GLYATL2: variants seen among roughly 807,000 people sequenced by gnomAD.
GLYATL2 encodes the protein glycine N-acyltransferase-like protein 2.
GLYATL2 carries 25 observed loss-of-function variants against 21.4 expected under a neutral mutation model. That is an observed-to-expected ratio of 1.17 (90% CI 0.85 to 1.63). GLYATL2 has a LOEUF of 1.63. Among genes scored for constraint, GLYATL2 ranks in the 40% most tolerant of loss-of-function variants. The pLI, the probability that GLYATL2 is intolerant of heterozygous loss-of-function variation, is 0.00. For synonymous variants in GLYATL2, 114 were observed against 118.2 expected, an observed-to-expected ratio of 0.96 and a Z score of 0.23; for missense variants, 361 against 343.3, an observed-to-expected ratio of 1.05 and a Z score of -0.41.
chr11:58,858,014 G>T lies in GLYATL2; in HGVS notation n.61-19646C>A, dbSNP rs796844974. 1.1e-4 allele frequency among the ~76,000 whole-genome samples: 16 copies of T among 151,922 alleles called. 1 individual carries two copies. The highest frequency in any genetic ancestry group is 3.4e-4 in the African/African-American group (14 of 41,398). On this transcript the variant is annotated intron_variant and non_coding_transcript_variant, in intron 1 of 4. Coordinates refer to the GLYATL2 transcript ENST00000533636. Reference sequence around the variant, plus strand: ...TTGGGCTTTAAAACATACAAGGAAAGAAAACATTTAAAACACACTTGTTTT... The same window carrying T: ...TTGGGCTTTAAAACATACAAGGAAATAAAACATTTAAAACACACTTGTTTT...
chr11:58,843,142 A>C (rs12224475), intron 1 of GLYATL2, among the ~76,000 whole-genome samples: 39,498 of 152,024 alleles, frequency 0.26, 5,596 homozygotes, highest in East Asian at 0.5. Context: ...AGTGAGGACT[A>C]ATTTTATATG....
At chr11:58,877,117 G>GT (rs1376958628) in intron 1 of GLYATL2, among the ~76,000 whole-genome samples, 1 of 152,226 alleles carries the variant, frequency 6.6e-6, no homozygotes, top group Non-Finnish European at 1.5e-5. Context: ...CTGGTGTGCC[G>GT]TTTGATAAGC....
chr11:58,877,065 G>A (rs952700539), intron 1 of GLYATL2, among the ~76,000 whole-genome samples: 23 of 152,318 alleles, frequency 1.5e-4, no homozygotes, highest in African/African-American at 4.8e-4. Flanking sequence ...AGTGAGGCTC[G>A]GTAGGCATAG....
rs374423589 is a variant in GLYATL2 at position 58,868,977 on chromosome 11, G to T, written n.61-30609C>A. Among the ~76,000 whole-genome samples, 3 of 136,108 alleles carry T rather than the reference G, an allele frequency of 2.2e-5. 1 individual carries two copies. The highest frequency in any genetic ancestry group is 3.0e-4 in the East Asian group (1 of 3,292). The allele number at this position is 136,108 out of a possible 152,430, so 89.3% of individuals were successfully genotyped here. On this transcript the variant is annotated intron_variant and non_coding_transcript_variant, in intron 1 of 4. Transcript: ENST00000533636. ...TCAGTATGGACACTCTTGGGGAGTTGTTCGTCATTTTGTGTGTGTCCAGGC... is the reference window on the plus strand; with the variant it reads ...TCAGTATGGACACTCTTGGGGAGTTTTTCGTCATTTTGTGTGTGTCCAGGC...
chr11:58,907,102 A>T, upstream of GLYATL2: 1 of 333,912 alleles, frequency 3.0e-6, no homozygotes. Context: ...AAGTTACACC[A>T]TAATAGTTTT....
intron 1 of GLYATL2, among the ~76,000 whole-genome samples, chr11:58,866,985 T>G (rs1323576925): frequency 6.7e-6 from 1 of 148,770 alleles, no homozygotes; most frequent in Non-Finnish European, 1.5e-5. Context: ...TAAAGGATAA[T>G]GAAGGATATT....
At chr11:58,862,236 A>T (rs1853945209) in intron 1 of GLYATL2, among the ~76,000 whole-genome samples, 1 of 152,102 alleles carries the variant, frequency 6.6e-6, no homozygotes. Context: ...TGTTTTCAGA[A>T]TCTTCCTTTC....
chr11:58,903,726 C>T (rs1854781697), intron 1 of GLYATL2, among the ~76,000 whole-genome samples: 1 of 152,054 alleles, frequency 6.6e-6, no homozygotes, highest in African/African-American at 2.4e-5. Context: ...CCAACATTAC[C>T]ATCATAAGTC....
chr11:58,895,253 TTAAA>T, intron 1 of GLYATL2, among the ~76,000 whole-genome samples: 1 of 152,312 alleles, frequency 6.6e-6, no homozygotes, highest in Admixed American at 6.5e-5. Context: ...GGAGGATTTT[TTAAA>T]TAGAGCACAA....
chr11:58,878,961 T>C (rs1468743898), intron 1 of GLYATL2, among the ~76,000 whole-genome samples: 1 of 152,214 alleles, frequency 6.6e-6, no homozygotes, highest in Non-Finnish European at 1.5e-5. Context: ...TCAACTGTTA[T>C]TCTCTTTAGA....
intron 1 of GLYATL2, among the ~76,000 whole-genome samples, chr11:58,854,724 A>G (rs1853799889): frequency 6.6e-6 from 1 of 152,150 alleles, no homozygotes; most frequent in South Asian, 2.1e-4. Flanking sequence ...TTTTACCCAC[A>G]GTAAAACTTC....
chr11:58,893,091 G>A, intron 1 of GLYATL2: 1 of 400,552 alleles, frequency 2.5e-6, no homozygotes, highest in African/African-American at 2.1e-5. Context: ...CTTATTCTGG[G>A]CTGGTAAATG....
rs1228754688 is a variant in GLYATL2 at position 58,855,216 on chromosome 11, G to A, written n.61-16848C>T. On this transcript the variant is annotated intron_variant and non_coding_transcript_variant, in intron 1 of 4. Transcript: ENST00000533636. Reference sequence around the variant, plus strand: ...GAAATCACAATGTATTGCAGCTATAGCCTTAGAGAATGATAAATAATAAGA... The same window carrying A: ...GAAATCACAATGTATTGCAGCTATAACCTTAGAGAATGATAAATAATAAGA... Among the ~76,000 whole-genome samples, 3 of 152,126 alleles carry A rather than the reference G, an allele frequency of 2.0e-5. No individual in the cohort carries two copies. The East Asian group carries it at 5.8e-4, about 29-fold the overall frequency.
At chr11:58,854,588 G>T (rs1853796469) in intron 1 of GLYATL2, among the ~76,000 whole-genome samples, 1 of 152,126 alleles carries the variant, frequency 6.6e-6, no homozygotes, top group African/African-American at 2.4e-5. Flanking sequence ...GACCAGGGTG[G>T]GACTTCCTGA....
intron 1 of GLYATL2, among the ~76,000 whole-genome samples, chr11:58,859,639 T>C (rs2134593516): frequency 6.6e-6 from 1 of 152,314 alleles, no homozygotes; most frequent in South Asian, 2.1e-4. Flanking sequence ...CCCATTTGTC[T>C]ATTTTGGCCT....
At position 58,896,369 on chromosome 11, in the gene GLYATL2, C is replaced by T. The variant is rs150436759; in HGVS notation, n.60+7787G>A. On this transcript the variant is annotated intron_variant and non_coding_transcript_variant, in intron 1 of 4. Transcript: ENST00000533636. ...AAACTAACCGCAACTCGCCCCAAACCCGGAAACCTGCTCAGATACCCTTTC... is the reference window on the plus strand; with the variant it reads ...AAACTAACCGCAACTCGCCCCAAACTCGGAAACCTGCTCAGATACCCTTTC... Among the ~76,000 whole-genome samples the T allele has an allele frequency of 6.6e-3, 1,005 of 152,292 alleles. 13 individuals carry two copies. The highest frequency in any genetic ancestry group is 0.023 in the African/African-American group (952 of 41,562).
chr11:58,845,147 T>A (rs1429186376), upstream of GLYATL2, among the ~76,000 whole-genome samples: 25 of 152,206 alleles, frequency 1.6e-4, no homozygotes, highest in Admixed American at 1.6e-3. Context: ...CAAGATCAAT[T>A]AGGCTTGTTT....
intron 1 of GLYATL2, among the ~76,000 whole-genome samples, chr11:58,884,710 T>A (rs1223066257): frequency 6.6e-6 from 1 of 152,132 alleles, no homozygotes; most frequent in East Asian, 1.9e-4. Context: ...TCATATATGG[T>A]TTCAAAATCT....
chr11:58,879,928 G>A (rs563073333), intron 1 of GLYATL2, among the ~76,000 whole-genome samples: 7 of 149,536 alleles, frequency 4.7e-5, no homozygotes, highest in Non-Finnish European at 8.9e-5. Flanking sequence ...GCGCGATCTC[G>A]GCTCACTGCA....
Sources: allele counts gnomAD v4.1 joint callset (sites outside exome capture counted in the v4.1 genomes callset), GRCh38; gene constraint gnomAD v4.1.1; transcripts MANE v1.5; gene names NCBI Gene and HGNC (gene_info 2026-07-23, HGNC 2026-07-21).